Variants in LPAR3 observed in about 807,000 individuals in gnomAD.
LPAR3 encodes the protein lysophosphatidic acid receptor 3, also known as LPA receptor 3.
A neutral mutation model predicts 17.8 loss-of-function variants in LPAR3; 7 were observed. That is an observed-to-expected ratio of 0.39 (90% confidence interval 0.22 to 0.74). The LOEUF (loss-of-function observed/expected upper bound fraction) is 0.74. Ranked by LOEUF, LPAR3 falls within the 30% of genes least tolerant of loss-of-function variation. The probability of loss-of-function intolerance (pLI) is 0.40; values close to 1 mark genes in which losing one functional copy is unlikely to be tolerated. For synonymous variants in LPAR3, 179 were observed against 179.9 expected (o/e 0.99, Z 0.04); for missense variants, 391 against 453.4 (o/e 0.86, Z 1.25).
At chr1:84,856,039 G>A (rs1659813287) in intron 2 of LPAR3, among the ~76,000 whole-genome samples, 1 of 152,184 alleles carries the variant, frequency 6.6e-6, no homozygotes, top group African/African-American at 2.4e-5. Context: ...AGAACAGGAA[G>A]GGATGTGTCA....
intron 1 of LPAR3, among the ~76,000 whole-genome samples, chr1:84,881,031 T>A (rs1341005882): frequency 6.6e-6 from 1 of 152,226 alleles, no homozygotes; most frequent in Non-Finnish European, 1.5e-5. Flanking sequence ...TGGGAAGTTT[T>A]ATGGTGGTTT....
At chr1:84,828,109 T>C (rs1476190433) in intron 2 of LPAR3, among the ~76,000 whole-genome samples, 2 of 151,464 alleles carry the variant, frequency 1.3e-5, no homozygotes, top group Non-Finnish European at 2.9e-5. Context: ...AACACATTCA[T>C]CTCTCTCTCT....
intron 2 of LPAR3, among the ~76,000 whole-genome samples, chr1:84,849,007 C>T (rs1659647132): frequency 6.6e-6 from 1 of 152,076 alleles, no homozygotes; most frequent in Non-Finnish European, 1.5e-5. Context: ...TGTAAGATGC[C>T]CTAGAACCAA....
chr1:84,873,800 T>G (rs1028394174), intron 1 of LPAR3, among the ~76,000 whole-genome samples: 1 of 151,626 alleles, frequency 6.6e-6, no homozygotes, highest in African/African-American at 2.4e-5. Context: ...TCACCCAGGC[T>G]GGAGTGCAGT....
In LPAR3 at chr1:84,888,177, CACAGAG is replaced by C. The variant is rs1288383980; in HGVS notation, c.-19+4833_-19+4838del. ...ACACACACACACACACACACACACACACAGAGAGAGGCAGAGACAGAGAGAAGGAGG... is the reference window on the plus strand; with the variant it reads ...ACACACACACACACACACACACACACAGAGGCAGAGACAGAGAGAAGGAGG... On this transcript the variant is annotated intron_variant, in intron 1 of 2. Transcript: ENST00000370611. 9.2e-4 allele frequency among the ~76,000 whole-genome samples: 26 copies of C among 28,386 alleles called. No individual in the cohort carries two copies. In the East Asian group the frequency reaches 0.039, roughly 42 times the overall value. 18.6% of individuals were successfully genotyped at this position (28,386 alleles called of 152,430 possible). A position where few individuals can be genotyped will look rare whatever the true frequency, so the allele number is the denominator to read the frequency against.
chr1:84,875,179 C>A (rs560324151), intron 1 of LPAR3, among the ~76,000 whole-genome samples: 1 of 152,148 alleles, frequency 6.6e-6, no homozygotes, highest in South Asian at 2.1e-4. Flanking sequence ...AGATGACAGA[C>A]GTGAGCCATC....
intron 1 of LPAR3, 146 bp from the exon 2 acceptor site, chr1:84,866,284 G>T (rs1420138457): frequency 4.7e-6 from 3 of 635,834 alleles, no homozygotes; most frequent in African/African-American, 3.7e-5. Context: ...AATGTCCTTT[G>T]GTCCAGGACA....
At chr1:84,872,305 A>T (rs559562773) in intron 1 of LPAR3, among the ~76,000 whole-genome samples, 1 of 152,204 alleles carries the variant, frequency 6.6e-6, no homozygotes, top group East Asian at 1.9e-4. Flanking sequence ...CTCACAACCC[A>T]TTTATTCCTC....
intron 1 of LPAR3, among the ~76,000 whole-genome samples, chr1:84,879,097 C>T (rs1018478747): frequency 1.3e-5 from 2 of 152,120 alleles, no homozygotes; most frequent in Admixed American, 6.5e-5. Context: ...CCTCAGGCTA[C>T]ATTAAAGAAG....
At chr1:84,823,234 G>A (rs1182175218) in intron 2 of LPAR3, among the ~76,000 whole-genome samples, 1 of 152,120 alleles carries the variant, frequency 6.6e-6, no homozygotes, top group Non-Finnish European at 1.5e-5. Flanking sequence ...ATATTTAAGT[G>A]AAAATGCTCT....
intron 1 of LPAR3, among the ~76,000 whole-genome samples, chr1:84,866,721 T>G (rs1227633293): frequency 1.3e-5 from 2 of 152,238 alleles, no homozygotes; most frequent in East Asian, 3.8e-4. Flanking sequence ...AGACCAGTTT[T>G]CTATGACTTC....
At chr1:84,885,831 A>G (rs1162002288) in intron 1 of LPAR3, among the ~76,000 whole-genome samples, 2 of 152,212 alleles carry the variant, frequency 1.3e-5, no homozygotes, top group African/African-American at 4.8e-5. Flanking sequence ...AAAATATTGA[A>G]GATAATGAGA....
rs72942476 is a variant in LPAR3 at position 84,877,284 on chromosome 1, C to G, written c.-18-11146G>C. On this transcript the variant is annotated intron_variant, in intron 1 of 2. Coordinates refer to ENST00000370611, the MANE Select transcript of LPAR3 (RefSeq NM_012152.3). ...CTACAGAGCTGCACTTAGGTGTGCA[C>G]TATGGTTCATCCTACACAGTGGTGT... 7.7e-3 allele frequency among the ~76,000 whole-genome samples: 1,178 copies of G among 152,316 alleles called. 14 individuals carry two copies. Among genetic ancestry groups the G allele is most frequent in the African/African-American group, 0.027 (1,132 of 41,572 alleles).
intron 2 of LPAR3, among the ~76,000 whole-genome samples, chr1:84,849,709 T>A (rs1659666735): frequency 6.6e-6 from 1 of 152,130 alleles, no homozygotes. Flanking sequence ...TCGAGCCTGG[T>A]GATAAGGAGT....
chr1:84,861,034 T>A (rs1659931692), intron 2 of LPAR3, among the ~76,000 whole-genome samples: 1 of 152,182 alleles, frequency 6.6e-6, no homozygotes, highest in Non-Finnish European at 1.5e-5. Context: ...CCACCACACC[T>A]GGATGGATTT....
chr1:84,881,370 C>A (rs1660362080), intron 1 of LPAR3, among the ~76,000 whole-genome samples: 1 of 152,148 alleles, frequency 6.6e-6, no homozygotes. Context: ...ATAATCATGA[C>A]AACTGTGTAG....
At chr1:84,859,657 C>G (rs915614195) in intron 2 of LPAR3, among the ~76,000 whole-genome samples, 3 of 152,124 alleles carry the variant, frequency 2.0e-5, no homozygotes, top group Non-Finnish European at 4.4e-5. Context: ...CTTTTTATGT[C>G]ATTTTAAAAA....
chr1:84,837,714 G>A (rs1264754220), intron 2 of LPAR3, among the ~76,000 whole-genome samples: 1 of 152,162 alleles, frequency 6.6e-6, no homozygotes, highest in African/African-American at 2.4e-5. Context: ...AAACAGAAGG[G>A]CAGTAAGGCT....
intron 1 of LPAR3, among the ~76,000 whole-genome samples, chr1:84,872,609 T>G (rs1433504684): frequency 6.6e-6 from 1 of 152,102 alleles, no homozygotes; most frequent in Non-Finnish European, 1.5e-5. Flanking sequence ...CATAAATAAA[T>G]TATTGAAAAA....
Sources: gnomAD v4.1 joint callset for allele counts (sites outside exome capture counted in the v4.1 genomes callset) on GRCh38, gnomAD v4.1.1 for gene constraint, MANE v1.5 for transcripts, NCBI Gene and HGNC (gene_info 2026-07-23, HGNC 2026-07-21) for gene names.